Variants in BTAF1 observed in about 807,000 individuals in gnomAD.
The protein encoded by BTAF1 is B-TFIID TATA-box binding protein associated factor 1, also known as TATA-binding protein-associated factor 172.
Under a neutral mutation model 227.1 loss-of-function variants are expected in BTAF1, and 38 were observed. The observed-to-expected ratio is 0.17, with a 90% CI of 0.13 to 0.22. The LOEUF (loss-of-function observed/expected upper bound fraction) is 0.22, where lower values mean the gene tolerates loss of function less well. BTAF1 is among the 10% of genes least tolerant of loss of function. The pLI is 1.00. For missense variants in BTAF1, 1,598 were observed against 2,204.0 expected, an observed-to-expected ratio of 0.73 and a Z score of 5.51; for synonymous variants, 742 against 751.9, an observed-to-expected ratio of 0.99 and a Z score of 0.21.
intron 14 of BTAF1, among the ~76,000 whole-genome samples, chr10:91,973,777 G>A (rs919338984): frequency 6.7e-6 from 1 of 150,326 alleles, no homozygotes; most frequent in African/African-American, 2.4e-5. Context: ...AGTGGCGGGC[G>A]CCTGTAGTCC....
chr10:91,960,918 A>C (rs1379338861), intron 11 of BTAF1, among the ~76,000 whole-genome samples: 2 of 152,214 alleles, frequency 1.3e-5, no homozygotes, highest in African/African-American at 4.8e-5. Flanking sequence ...GGCCCACAAA[A>C]GCCTATTTCA....
intron 26 of BTAF1, 144 bp downstream of exon 26, chr10:92,008,419 C>G: frequency 1.3e-6 from 1 of 790,466 alleles, no homozygotes; most frequent in East Asian, 3.2e-5. Context: ...TCATGGTTCA[C>G]TGCAGCCTCA....
chr10:91,966,536 C>A, intron 13 of BTAF1, 101 bp from the exon 14 acceptor site: 1 of 1,238,378 alleles, frequency 8.1e-7, no homozygotes, highest in Non-Finnish European at 1.1e-6. Flanking sequence ...AAAAAAGTCA[C>A]ATGGTGTCAG....
intron 2 of BTAF1, among the ~76,000 whole-genome samples, chr10:91,938,124 C>T (rs1781062489): frequency 6.6e-6 from 1 of 152,150 alleles, no homozygotes; most frequent in Non-Finnish European, 1.5e-5. Flanking sequence ...ACTCAGATCC[C>T]TTGCCCATTT....
intron 28 of BTAF1, 49 bp from the exon 29 acceptor site, chr10:92,011,021 TAAG>T (rs1477006974): frequency 5.2e-6 from 7 of 1,350,750 alleles, no homozygotes; most frequent in Non-Finnish European, 6.3e-6. Context: ...TGGTAGCTAT[TAAG>T]AACTTTTCAG....
chr10:91,978,834 T>C (rs1373293541), intron 14 of BTAF1, among the ~76,000 whole-genome samples: 2 of 129,786 alleles, frequency 1.5e-5, no homozygotes, highest in Admixed American at 8.2e-5. Flanking sequence ...TTTTTTTTTT[T>C]TTCACTTTCA....
chr10:91,975,510 TGATATG>T (rs1389639855), intron 14 of BTAF1, among the ~76,000 whole-genome samples: 1 of 152,218 alleles, frequency 6.6e-6, no homozygotes, highest in Admixed American at 6.5e-5. Flanking sequence ...ATAAACTGTC[TGATATG>T]GAAATTTTCT....
At chr10:91,992,077 C>T in intron 20 of BTAF1, 42 bp from the exon 21 acceptor site, 2 of 1,477,008 alleles carry the variant, frequency 1.4e-6, no homozygotes, top group African/African-American at 1.4e-5. Context: ...TTGGTATCAC[C>T]AATATTATGA....
chr10:91,999,062 CAAAAAA>C (rs34831539), intron 25 of BTAF1, among the ~76,000 whole-genome samples: 18 of 115,362 alleles, frequency 1.6e-4, no homozygotes, highest in East Asian at 4.8e-4. Context: ...GACTTCCTTT[CAAAAAA>C]AAAAAAAAAA....
intron 14 of BTAF1, among the ~76,000 whole-genome samples, chr10:91,973,859 C>G (rs1847493107): frequency 6.8e-6 from 1 of 148,022 alleles, no homozygotes; most frequent in South Asian, 2.2e-4. Flanking sequence ...AGCTGAGATC[C>G]CGCCACTGCA....
rs747760963 is a variant in BTAF1 at position 91,993,764 on chromosome 10, G to A, written c.3116G>A (p.Gly1039Asp). The change falls in exon 22 of 38, where the codon GGT becomes GAT. Residue 1039 changes from glycine to aspartate, a missense_variant. By Grantham distance (94) the Gly-to-Asp change is moderately conservative. Transcript: ENST00000265990. ...FALTTIVKHF[G>D]GEMAVKLPHL... is the part of the protein sequence containing the mutation. ...TTGACAACTATAGTAAAGCATTTTG[G>A]TGGTGAAATGGCAGTGAAGTTGCCA... 2 of 1,609,084 alleles carry A rather than the reference G, an allele frequency of 1.2e-6. No individual in the cohort carries two copies. The highest frequency in any genetic ancestry group is 1.7e-6 in the Non-Finnish European group (2 of 1,176,972).
Position 92,016,483 on chromosome 10 carries a change from C to CTTTT in BTAF1, c.4710+28_4710+31dup, listed in dbSNP as rs11400019. 20 of 1,338,012 alleles carry CTTTT rather than the reference C, an allele frequency of 1.5e-5. No individual in the cohort carries two copies. The highest frequency in any genetic ancestry group is 6.4e-5 in the South Asian group (4 of 62,988). The allele number at this position is 1,338,012 out of a possible 1,614,324, so 82.9% of individuals were successfully genotyped here. On this transcript the variant is annotated intron_variant, in intron 33 of 37. Transcript: ENST00000265990. ...TATTCCAGGTATAGATTACATTCTA[C>CTTTT]TTTTTTTTTTTTTGAGATGGAATTT...
chr10:91,979,504 A>C (rs1433087534), intron 14 of BTAF1, among the ~76,000 whole-genome samples: 3 of 152,162 alleles, frequency 2.0e-5, no homozygotes, highest in African/African-American at 7.2e-5. Flanking sequence ...TCTAACTTAA[A>C]CATTTATTAT....
chr10:92,015,620 G>GA (rs138657508), intron 32 of BTAF1, among the ~76,000 whole-genome samples: 8,382 of 152,178 alleles, frequency 0.055, 660 homozygotes, highest in African/African-American at 0.18. Flanking sequence ...GATGTCATGT[G>GA]AAAAAAATCT....
chr10:91,970,602 A>G (rs1467385953), intron 14 of BTAF1, among the ~76,000 whole-genome samples: 5 of 152,224 alleles, frequency 3.3e-5, no homozygotes. Context: ...TGATTCACTT[A>G]TCTCCCACTG....
intron 21 of BTAF1, 74 bp downstream of exon 21, chr10:91,992,383 T>C: frequency 7.5e-7 from 1 of 1,341,276 alleles, no homozygotes; most frequent in Admixed American, 2.5e-5. Context: ...AGAACTAAGT[T>C]GTATTAGCTT....
In BTAF1 at chr10:91,978,814, G is replaced by GTTTTTTTTTTTTTTT. The variant is rs145477284; in HGVS notation, c.1651-1632_1651-1618dup. Among the ~76,000 whole-genome samples, 2 of 89,852 alleles carry GTTTTTTTTTTTTTTT rather than the reference G, an allele frequency of 2.2e-5. 1 individual carries two copies. The highest frequency in any genetic ancestry group is 9.1e-5 in the African/African-American group (2 of 22,004). 58.9% of individuals were successfully genotyped at this position (89,852 alleles called of 152,430 possible). A position where few individuals can be genotyped will look rare whatever the true frequency, so the allele number is the denominator to read the frequency against. ...TCCTCCAATGGATGATTTATGGCTT[G>GTTTTTTTTTTTTTTT]TTTTTTTTTTTTTTTTTTTTTTCAC... On this transcript the variant is annotated intron_variant, in intron 14 of 37. Coordinates refer to ENST00000265990, the MANE Select transcript of BTAF1 (RefSeq NM_003972.3).
At chr10:91,956,792 C>A in intron 7 of BTAF1, 135 bp downstream of exon 7, 2 of 890,220 alleles carry the variant, frequency 2.2e-6, no homozygotes, top group Non-Finnish European at 3.3e-6. Flanking sequence ...AGCTTGAGAC[C>A]AGCCTGGCCA....
chr10:91,948,039 A>G (rs1305033323), intron 4 of BTAF1, among the ~76,000 whole-genome samples: 1 of 152,022 alleles, frequency 6.6e-6, no homozygotes, highest in Non-Finnish European at 1.5e-5. Context: ...TTTAAGTTCT[A>G]GGGTACATGT....
Sources: allele counts gnomAD v4.1 joint callset (sites outside exome capture counted in the v4.1 genomes callset), GRCh38; gene constraint gnomAD v4.1.1; transcripts MANE v1.5; gene names NCBI Gene and HGNC (gene_info 2026-07-23, HGNC 2026-07-21).